The following HDGFL3 variants were observed in gnomAD, a reference collection of about 807,000 sequenced individuals.
HDGFL3 encodes HDGF like 3.
HDGFL3 carries 6 observed loss-of-function variants against 27.6 expected under a neutral mutation model. That is an observed-to-expected ratio of 0.22 (90% CI 0.12 to 0.43). HDGFL3 has a LOEUF of 0.43. Among genes scored for constraint, HDGFL3 ranks in the 20% least tolerant of loss-of-function variants. HDGFL3 has a pLI of 1.00. For missense variants in HDGFL3, 207 were observed against 250.1 expected (o/e 0.83, Z 1.16); for synonymous variants, 88 against 88.9 (o/e 0.99, Z 0.05).
intron 5 of HDGFL3, among the ~76,000 whole-genome samples, chr15:83,147,456 T>C (rs1414674189): frequency 2.0e-5 from 3 of 152,164 alleles, no homozygotes; most frequent in East Asian, 1.9e-4. Context: ...TACTAGCATA[T>C]GTAAATTCTC....
intron 1 of HDGFL3, among the ~76,000 whole-genome samples, chr15:83,191,931 T>G (rs902888210): frequency 1.4e-5 from 2 of 147,410 alleles, no homozygotes; most frequent in Middle Eastern, 3.2e-3. Flanking sequence ...GTAACTTATC[T>G]CTCCTTTTTT....
chr15:83,124,432 C>T (rs1352147513), downstream of HDGFL3, among the ~76,000 whole-genome samples: 4 of 152,006 alleles, frequency 2.6e-5, no homozygotes, highest in Admixed American at 1.3e-4. Flanking sequence ...AAAAAGTGGA[C>T]TCATAGAGCT....
intron 1 of HDGFL3, among the ~76,000 whole-genome samples, chr15:83,172,957 G>T (rs931230282): frequency 5.3e-5 from 8 of 152,164 alleles, no homozygotes; most frequent in African/African-American, 1.9e-4. Flanking sequence ...GGGTTGTCTT[G>T]CTGTCTCAGG....
intron 4 of HDGFL3, among the ~76,000 whole-genome samples, chr15:83,153,080 C>T (rs143722827): frequency 1.3e-5 from 2 of 151,214 alleles, no homozygotes; most frequent in Admixed American, 6.6e-5. Flanking sequence ...CTGCAAGCTC[C>T]GCCTCCTGGG....
At chr15:83,151,159 T>C in intron 5 of HDGFL3, 56 bp downstream of exon 5, 1 of 1,538,586 alleles carries the variant, frequency 6.5e-7, no homozygotes, top group Non-Finnish European at 8.9e-7. Flanking sequence ...GGATGCTGAA[T>C]CTGAAGCAAA....
chr15:83,121,833 A>C (rs531323711), intron 3 of HDGFL3: 1 of 947,838 alleles, frequency 1.1e-6, no homozygotes, highest in African/African-American at 1.7e-5. Flanking sequence ...TACTAGTTTG[A>C]ATACAAAATA....
At chr15:83,202,278 C>T (rs981885444) in intron 1 of HDGFL3, among the ~76,000 whole-genome samples, 1 of 152,110 alleles carries the variant, frequency 6.6e-6, no homozygotes, top group Non-Finnish European at 1.5e-5. Context: ...TCAGTAAGAG[C>T]TCAGCTCTTG....
chr15:83,115,809 C>A (rs2034608675), intron 3 of HDGFL3: 1 of 1,373,658 alleles, frequency 7.3e-7, no homozygotes, highest in African/African-American at 1.4e-5. Flanking sequence ...GTCTCCTGAG[C>A]TATTGCTTTT....
intron 1 of HDGFL3, among the ~76,000 whole-genome samples, chr15:83,171,359 G>T (rs1208605959): frequency 1.3e-5 from 2 of 152,144 alleles, no homozygotes; most frequent in Non-Finnish European, 2.9e-5. Flanking sequence ...CTTATGAATA[G>T]AACTACCATT....
At chr15:83,146,014 G>A (rs993220875) in intron 5 of HDGFL3, among the ~76,000 whole-genome samples, 6 of 133,476 alleles carry the variant, frequency 4.5e-5, no homozygotes, top group African/African-American at 1.7e-4. Flanking sequence ...GGGTTCAAGC[G>A]ATTTTCATGC....
chr15:83,151,240 G>A lies in HDGFL3; in HGVS notation c.581C>T (p.Ser194Leu). 6.2e-7 allele frequency: 1 copy of A among 1,612,944 alleles called. No homozygotes were observed. The highest frequency in any genetic ancestry group is 2.2e-5 in the East Asian group (1 of 44,876). The change falls in exon 5 of 6, where the codon TCA becomes TTA. Residue 194 changes from serine (S) to leucine (L), a missense_variant. Ser to Leu is a moderately radical substitution (Grantham distance 145). Transcript: ENST00000299633. ...DAGNDTRNTT[S>L]DLQKTSEGT is the part of the protein sequence containing the mutation. Reference sequence around the variant, plus strand: ...CCCTTCACTGGTTTTCTGCAAGTCTGAAGTTGTGTTTCTTGTGTCGTTGCC... The same window carrying A: ...CCCTTCACTGGTTTTCTGCAAGTCTAAAGTTGTGTTTCTTGTGTCGTTGCC...
chr15:83,163,965 G>A, intron 2 of HDGFL3, 34 bp downstream of exon 2: 1 of 1,371,884 alleles, frequency 7.3e-7, no homozygotes, highest in African/African-American at 1.4e-5. Context: ...GCAGAGTCAA[G>A]CTAGAGCTGT....
intron 1 of HDGFL3, among the ~76,000 whole-genome samples, chr15:83,169,402 G>A (rs375476757): frequency 0.028 from 2,592 of 92,616 alleles, 98 homozygotes; most frequent in African/African-American, 0.1. Flanking sequence ...GCGACAGAGC[G>A]AGACTCCGTC....
chr15:83,125,490 T>C (rs1276790114), downstream of HDGFL3, among the ~76,000 whole-genome samples: 1 of 152,178 alleles, frequency 6.6e-6, no homozygotes, highest in Non-Finnish European at 1.5e-5. Flanking sequence ...CTACCTACCT[T>C]AACAGTATTG....
At chr15:83,179,507 AG>A (rs910587483) in intron 1 of HDGFL3, among the ~76,000 whole-genome samples, 1 of 152,176 alleles carries the variant, frequency 6.6e-6, no homozygotes, top group Non-Finnish European at 1.5e-5. Context: ...TCCAGATGGT[AG>A]TTGGGGGTGA....
intron 3 of HDGFL3, chr15:83,119,512 A>G: frequency 6.7e-7 from 1 of 1,488,242 alleles, no homozygotes; most frequent in Non-Finnish European, 9.3e-7. Flanking sequence ...TACTTGCAAT[A>G]CAGGTCTGAT....
intron 2 of HDGFL3, among the ~76,000 whole-genome samples, chr15:83,162,018 T>C (rs1012995328): frequency 5.9e-5 from 9 of 152,090 alleles, no homozygotes; most frequent in Non-Finnish European, 1.2e-4. Context: ...CTGAGGAAAA[T>C]TCTGGTCGTG....
chr15:83,202,359 G>C (rs1437700579), intron 1 of HDGFL3, among the ~76,000 whole-genome samples: 2 of 152,064 alleles, frequency 1.3e-5, no homozygotes, highest in African/African-American at 4.8e-5. Context: ...AAGAAAGCTA[G>C]ATCAAAAATA....
At chr15:83,126,223 G>A (rs1382537243), downstream of HDGFL3, among the ~76,000 whole-genome samples, 1 of 152,142 alleles carries the variant, frequency 6.6e-6, no homozygotes, top group African/African-American at 2.4e-5. Flanking sequence ...CCTGAGGGGA[G>A]GAAGGTGACT....
Sources: gnomAD v4.1 joint callset for allele counts (sites outside exome capture counted in the v4.1 genomes callset) on GRCh38, gnomAD v4.1.1 for gene constraint, MANE v1.5 for transcripts, NCBI Gene and HGNC (gene_info 2026-07-23, HGNC 2026-07-21) for gene names.